Variants in GRM7 observed in about 807,000 individuals in gnomAD.
GRM7 encodes glutamate metabotropic receptor 7.
A neutral mutation model predicts 84.5 loss-of-function variants in GRM7; 35 were observed. The observed-to-expected ratio is 0.41, with a 90% CI of 0.32 to 0.55. GRM7 has a LOEUF of 0.55. Among genes scored for constraint, GRM7 ranks in the 20% least tolerant of loss-of-function variants. The pLI, the probability that GRM7 is intolerant of heterozygous loss-of-function variation, is 0.19. For synonymous variants in GRM7, 487 were observed against 455.1 expected (o/e 1.07, Z -0.89); for missense variants, 1,003 against 1,194.6 (o/e 0.84, Z 2.36).
chr3:7,174,739 T>C (rs189641756), intron 2 of GRM7, among the ~76,000 whole-genome samples: 1 of 152,166 alleles, frequency 6.6e-6, no homozygotes, highest in East Asian at 1.9e-4. Context: ...TTTCATCTTC[T>C]ATGGGTGAAA....
chr3:7,494,125 G>A (rs1699617732), intron 7 of GRM7, among the ~76,000 whole-genome samples: 1 of 151,944 alleles, frequency 6.6e-6, no homozygotes, highest in Admixed American at 6.6e-5. Flanking sequence ...TCCTTCTTTT[G>A]TTATTTCCTT....
At chr3:7,388,878 T>G (rs909048447) in intron 4 of GRM7, among the ~76,000 whole-genome samples, 3 of 152,114 alleles carry the variant, frequency 2.0e-5, no homozygotes, top group African/African-American at 7.2e-5. Flanking sequence ...ACAATTCCAT[T>G]TAGTTCTCTT....
intron 1 of GRM7, among the ~76,000 whole-genome samples, chr3:7,145,594 C>T (rs1361284465): frequency 1.3e-5 from 2 of 152,086 alleles, no homozygotes; most frequent in East Asian, 3.9e-4. Context: ...GAAATAAATA[C>T]TACAGCAGAT....
At chr3:7,004,833 C>A (rs1298088134) in intron 1 of GRM7, among the ~76,000 whole-genome samples, 3 of 152,128 alleles carry the variant, frequency 2.0e-5, no homozygotes, top group African/African-American at 7.2e-5. Flanking sequence ...GAGGCCCCTA[C>A]AAGAAGCTTG....
At chr3:7,707,482 G>A (rs1374056217) in intron 9 of GRM7, among the ~76,000 whole-genome samples, 1 of 152,150 alleles carries the variant, frequency 6.6e-6, no homozygotes, top group Non-Finnish European at 1.5e-5. Context: ...CAATCGGGCA[G>A]TTTCCATGGA....
At chr3:7,358,761 T>A (rs1013209384) in intron 4 of GRM7, among the ~76,000 whole-genome samples, 1 of 152,126 alleles carries the variant, frequency 6.6e-6, no homozygotes, top group African/African-American at 2.4e-5. Context: ...TGACTGCCCC[T>A]TTTCATAATT....
intron 1 of GRM7, among the ~76,000 whole-genome samples, chr3:7,076,004 T>C (rs920383353): frequency 6.6e-6 from 1 of 152,022 alleles, no homozygotes; most frequent in Non-Finnish European, 1.5e-5. Context: ...TCATCTAGGT[T>C]TTTAGAGGGG....
Position 7,538,497 on chromosome 3 carries a change from C to T in GRM7, c.1516-39925C>T, listed in dbSNP as rs949588709. On this transcript the variant is annotated intron_variant, in intron 7 of 9. Transcript: ENST00000357716. Reference sequence around the variant, plus strand: ...TGGGCTACAAACAACCATACCAGGCCAGGGAATCTGCATCAGCAAAACTCT... The same window carrying T: ...TGGGCTACAAACAACCATACCAGGCTAGGGAATCTGCATCAGCAAAACTCT... 2.0e-5 allele frequency among the ~76,000 whole-genome samples: 3 copies of T among 152,308 alleles called. No homozygotes were observed. In the South Asian group the frequency reaches 6.2e-4, roughly 32 times the overall value.
intron 7 of GRM7, among the ~76,000 whole-genome samples, chr3:7,469,796 A>T (rs1462104291): frequency 6.6e-6 from 1 of 152,212 alleles, no homozygotes; most frequent in Admixed American, 6.5e-5. Context: ...AAATATATTT[A>T]TAAATCAAAA....
intron 9 of GRM7, among the ~76,000 whole-genome samples, chr3:7,718,012 G>A (rs757798048): frequency 1.3e-5 from 2 of 151,498 alleles, no homozygotes; most frequent in Non-Finnish European, 2.9e-5. Flanking sequence ...GAGTGACATC[G>A]CCTATTAAAA....
chr3:7,448,580 G>A (rs1172753185), intron 5 of GRM7, among the ~76,000 whole-genome samples: 1 of 152,106 alleles, frequency 6.6e-6, no homozygotes, highest in Non-Finnish European at 1.5e-5. Flanking sequence ...GCAAATAATT[G>A]TGACTGCCAC....
chr3:7,284,480 A>T (rs1037289561), intron 2 of GRM7, among the ~76,000 whole-genome samples: 3 of 152,174 alleles, frequency 2.0e-5, no homozygotes, highest in Non-Finnish European at 4.4e-5. Flanking sequence ...GGAAATTTAG[A>T]TGGGATGAAT....
chr3:7,536,045 A>G (rs995169963), intron 7 of GRM7, among the ~76,000 whole-genome samples: 1 of 152,310 alleles, frequency 6.6e-6, no homozygotes, highest in African/African-American at 2.4e-5. Context: ...CTTGGGAGAC[A>G]GCATACAAGA....
intron 1 of GRM7, among the ~76,000 whole-genome samples, chr3:6,931,221 G>T (rs1471496160): frequency 6.6e-6 from 1 of 152,084 alleles, no homozygotes; most frequent in African/African-American, 2.4e-5. Context: ...AGTGGTGGCT[G>T]CCCAGAAACA....
chr3:7,103,511 TTGTTTTGGGCCAA>T (rs889600391), intron 1 of GRM7, among the ~76,000 whole-genome samples: 2 of 151,810 alleles, frequency 1.3e-5, no homozygotes, highest in African/African-American at 2.4e-5. Context: ...CAAAATAAAA[TTGTTTTGGGCCAA>T]TGTTTCCATT....
intron 5 of GRM7, among the ~76,000 whole-genome samples, chr3:7,442,951 T>A (rs1697352877): frequency 6.6e-6 from 1 of 152,044 alleles, no homozygotes; most frequent in Non-Finnish European, 1.5e-5. Flanking sequence ...TCATCTCCTC[T>A]CTTGCCTCCC....
chr3:7,369,095 G>T (rs892294981), intron 4 of GRM7, among the ~76,000 whole-genome samples: 1 of 151,974 alleles, frequency 6.6e-6, no homozygotes, highest in African/African-American at 2.4e-5. Context: ...GTCTTTCTCT[G>T]TCACCCTGGA....
chr3:7,691,730 C>G (rs573902883), intron 9 of GRM7, among the ~76,000 whole-genome samples: 1 of 152,240 alleles, frequency 6.6e-6, no homozygotes, highest in East Asian at 1.9e-4. Flanking sequence ...GCATGATCTC[C>G]GCTCACTGCA....
intron 6 of GRM7, among the ~76,000 whole-genome samples, chr3:7,456,993 A>G (rs188526678): frequency 1.3e-5 from 2 of 152,294 alleles, no homozygotes; most frequent in Non-Finnish European, 1.5e-5. Flanking sequence ...AAAAGAAAAT[A>G]TTTGTCCAAG....
Sources: gnomAD v4.1 joint callset for allele counts (sites outside exome capture counted in the v4.1 genomes callset) on GRCh38, gnomAD v4.1.1 for gene constraint, MANE v1.5 for transcripts, NCBI Gene and HGNC (gene_info 2026-07-23, HGNC 2026-07-21) for gene names.